The following TTC6 variants were observed in gnomAD, a reference collection of about 807,000 sequenced individuals.
TTC6 encodes tetratricopeptide repeat domain 6, also known as tetratricopeptide repeat protein 6.
A neutral mutation model predicts 210.4 loss-of-function variants in TTC6; 172 were observed. The ratio of observed to expected loss-of-function variants is 0.82; its 90% CI spans 0.72 to 0.93. TTC6 has a LOEUF of 0.93. Ranked by LOEUF, TTC6 falls within the 40% of genes least tolerant of loss-of-function variation. TTC6 has a pLI of 0.00. For missense variants in TTC6, 2,414 were observed against 2,318.1 expected (o/e 1.04, Z -0.85); for synonymous variants, 804 against 819.6 (o/e 0.98, Z 0.32).
intron 16 of TTC6, among the ~76,000 whole-genome samples, chr14:37,792,044 G>A (rs2096080954): frequency 6.6e-6 from 1 of 152,120 alleles, no homozygotes. Context: ...TCTGTTCCTA[G>A]CGCAGACCTT....
intron 26 of TTC6, among the ~76,000 whole-genome samples, chr14:37,817,870 T>G (rs1206851220): frequency 2.0e-5 from 3 of 152,142 alleles, no homozygotes; most frequent in Non-Finnish European, 2.9e-5. Context: ...ATAGACTGTT[T>G]TACACAAATT....
intron 6 of TTC6, among the ~76,000 whole-genome samples, chr14:37,715,604 A>C (rs1323689286): frequency 6.6e-6 from 1 of 152,154 alleles, no homozygotes; most frequent in African/African-American, 2.4e-5. Flanking sequence ...AACAAAAAAG[A>C]AACGACATGC....
At chr14:37,767,148 C>T (rs939078272) in intron 14 of TTC6, among the ~76,000 whole-genome samples, 1 of 152,146 alleles carries the variant, frequency 6.6e-6, no homozygotes, top group African/African-American at 2.4e-5. Flanking sequence ...TTTATGGCTG[C>T]ATAGTATTCC....
In TTC6 at chr14:37,693,171, G is replaced by A. The variant is rs879896792; in HGVS notation, c.1258-3546G>A. Among the ~76,000 whole-genome samples, 1,011 of 152,204 alleles carry A rather than the reference G, an allele frequency of 6.6e-3. 39 individuals are homozygous for A. The East Asian group carries it at 0.11, about 16-fold the overall frequency. Reference sequence around the variant, plus strand: ...ACCAAAAGACTCCACAAAAAACTATGAGAACTGATAAACAAATTTAGTAAA... The same window carrying A: ...ACCAAAAGACTCCACAAAAAACTATAAGAACTGATAAACAAATTTAGTAAA... On this transcript the variant is annotated intron_variant, in intron 3 of 30. Coordinates refer to ENST00000553443, the Ensembl canonical transcript of TTC6.
At chr14:37,670,521 A>T (rs1242143308) in intron 1 of TTC6, among the ~76,000 whole-genome samples, 3 of 123,852 alleles carry the variant, frequency 2.4e-5, no homozygotes, top group Admixed American at 1.0e-4. Context: ...TCGAGGCTGG[A>T]GTGCAGTGGC....
intron 15 of TTC6, among the ~76,000 whole-genome samples, chr14:37,790,229 G>T (rs994418931): frequency 6.6e-6 from 1 of 152,022 alleles, no homozygotes; most frequent in Non-Finnish European, 1.5e-5. Context: ...ATCCCGGTTT[G>T]TGTGTGAGCC....
In TTC6 at chr14:37,730,352, A is replaced by T. The variant is rs948649120; in HGVS notation, c.1818+5350A>T. On this transcript the variant is annotated intron_variant, in intron 7 of 30. Coordinates refer to ENST00000553443, the Ensembl canonical transcript of TTC6. ...TGATTTTACATTTTCATGGTTATTT[A>T]AAAATATCTGGCATGTATTTAAGCA... Among the ~76,000 whole-genome samples the T allele has an allele frequency of 7.9e-5, 12 of 152,176 alleles. No individual in the cohort carries two copies. The South Asian group carries it at 8.3e-4, about 11-fold the overall frequency.
At chr14:37,683,533 A>T (rs1293070136) in intron 3 of TTC6, among the ~76,000 whole-genome samples, 1 of 152,140 alleles carries the variant, frequency 6.6e-6, no homozygotes, top group African/African-American at 2.4e-5. Flanking sequence ...AAATAGGTGA[A>T]TACACATAGG....
chr14:37,625,632 A>G (rs1323739163), intron 1 of TTC6, among the ~76,000 whole-genome samples: 1 of 152,202 alleles, frequency 6.6e-6, no homozygotes, highest in Non-Finnish European at 1.5e-5. Context: ...GAAGATTCGA[A>G]TAAGGACTTT....
chr14:37,663,655 CTG>C (rs985364787), intron 1 of TTC6, among the ~76,000 whole-genome samples: 4 of 152,196 alleles, frequency 2.6e-5, no homozygotes, highest in African/African-American at 9.6e-5. Context: ...TCACAGTTGG[CTG>C]TCTTTGAAAA....
chr14:37,756,064 A>C (rs1439063302), intron 14 of TTC6, among the ~76,000 whole-genome samples: 1 of 152,128 alleles, frequency 6.6e-6, no homozygotes, highest in Non-Finnish European at 1.5e-5. Context: ...GAGGTCCTTC[A>C]TGTCCCTTGT....
intron 7 of TTC6, among the ~76,000 whole-genome samples, chr14:37,734,796 G>A (rs1463076449): frequency 6.6e-6 from 1 of 152,010 alleles, no homozygotes; most frequent in African/African-American, 2.4e-5. Context: ...CAGTTTCCAA[G>A]GCTCCAGCAT....
intron 1 of TTC6, among the ~76,000 whole-genome samples, chr14:37,626,418 C>T (rs1194638405): frequency 6.6e-6 from 1 of 152,144 alleles, no homozygotes; most frequent in Non-Finnish European, 1.5e-5. Context: ...AGTCCAAGGT[C>T]TCCCATAAGC....
intron 14 of TTC6, among the ~76,000 whole-genome samples, chr14:37,786,006 C>T (rs942839892): frequency 4.6e-5 from 7 of 152,136 alleles, no homozygotes; most frequent in African/African-American, 1.4e-4. Context: ...CAGAGGGGCA[C>T]CCGGCTGTAT....
At chr14:37,805,832 C>G (rs2096117388) in intron 21 of TTC6, among the ~76,000 whole-genome samples, 1 of 152,096 alleles carries the variant, frequency 6.6e-6, no homozygotes, top group Non-Finnish European at 1.5e-5. Context: ...TCCCGAGTAG[C>G]TGGGATTACA....
At chr14:37,655,562 A>G (rs904150607) in intron 1 of TTC6, among the ~76,000 whole-genome samples, 10 of 152,142 alleles carry the variant, frequency 6.6e-5, no homozygotes, top group African/African-American at 1.2e-4. Context: ...TGCCATGTCT[A>G]TGATAAAGGT....
At chr14:37,651,339 T>G (rs1399079621) in intron 1 of TTC6, among the ~76,000 whole-genome samples, 1 of 145,376 alleles carries the variant, frequency 6.9e-6, no homozygotes, top group African/African-American at 2.5e-5. Context: ...AGTCAGGCTT[T>G]TTAACTTTCA....
intron 27 of TTC6, among the ~76,000 whole-genome samples, chr14:37,824,662 G>A (rs1277074806): frequency 6.6e-6 from 1 of 152,172 alleles, no homozygotes; most frequent in African/African-American, 2.4e-5. Flanking sequence ...ATCATGATAA[G>A]TGCAACAAAG....
chr14:37,719,924 G>A (rs1301471579), intron 6 of TTC6, among the ~76,000 whole-genome samples: 19 of 151,752 alleles, frequency 1.3e-4, no homozygotes, highest in Admixed American at 1.1e-3. Flanking sequence ...CCACCGACTC[G>A]GAGAAAATAT....
Sources: allele counts gnomAD v4.1 joint callset (sites outside exome capture counted in the v4.1 genomes callset), GRCh38; gene constraint gnomAD v4.1.1; transcripts MANE v1.5; gene names NCBI Gene and HGNC (gene_info 2026-07-23, HGNC 2026-07-21).